HOMEZ: variants seen among roughly 807,000 people sequenced by gnomAD.
The protein encoded by HOMEZ is homeobox and leucine zipper encoding, also known as homeobox and leucine zipper protein Homez.
In HOMEZ, 20 loss-of-function variants were observed where a neutral mutation model predicts 50.1. That is an observed-to-expected ratio of 0.40 (90% CI 0.28 to 0.58). The LOEUF (loss-of-function observed/expected upper bound fraction) is 0.58, where lower values mean the gene tolerates loss of function less well. Ranked by LOEUF, HOMEZ falls within the 20% of genes least tolerant of loss-of-function variation. The probability of loss-of-function intolerance (pLI) is 0.46; values close to 1 mark genes in which losing one functional copy is unlikely to be tolerated. For synonymous variants in HOMEZ, 239 were observed against 254.7 expected (o/e 0.94, Z 0.59); for missense variants, 579 against 680.5 (o/e 0.85, Z 1.66).
chr14:23,275,461 A>G lies in HOMEZ; in HGVS notation c.*114T>C. 1.4e-6 allele frequency: 2 copies of G among 1,387,862 alleles called. No homozygotes were observed. The highest frequency in any genetic ancestry group is 1.9e-6 in the Non-Finnish European group (2 of 1,041,382). The allele number at this position is 1,387,862 out of a possible 1,614,324, so 86.0% of individuals were successfully genotyped here. On this transcript the variant is annotated 3_prime_UTR_variant, in exon 2 of 2. Coordinates refer to ENST00000357460, the MANE Select transcript of HOMEZ (RefSeq NM_020834.3). ...CCTGCCACCCACCCTGAAGAACACA[A>G]AGCTTTTTAGTTCTCTGCCACAAGG... is the stretch of plus-strand genomic sequence containing the variant.
At chr14:23,283,475 C>T (rs1362816458) in intron 1 of HOMEZ, among the ~76,000 whole-genome samples, 13 of 152,318 alleles carry the variant, frequency 8.5e-5, no homozygotes, top group African/African-American at 2.4e-4. Context: ...TATCCCTGGA[C>T]AGATGGAAGA....
At position 23,276,985 on chromosome 14, in the gene HOMEZ, G is replaced by A; in HGVS notation, c.243C>T (p.Ser81=). 1.9e-6 allele frequency: 3 copies of A among 1,614,052 alleles called. No individual in the cohort carries two copies. The highest frequency in any genetic ancestry group is 2.5e-6 in the Non-Finnish European group (3 of 1,179,902). The change falls in exon 2 of 2, where the codon AGC becomes AGT. Residue 81 remains serine (S), a synonymous_variant. Coordinates refer to ENST00000357460, the MANE Select transcript of HOMEZ (RefSeq NM_020834.3). The surrounding 1 kb of genome is among the most constrained non-coding windows in gnomAD (Gnocchi z 4.1). ...LKTFSYFPYP[S]LADIALLCLR... is the part of the protein sequence containing the mutation. ...GGCAGAGAAGGGCAATGTCTGCTAG[G>A]CTGGGATAGGGAAAGTAGCTGAAGG...
chr14:23,285,536 T>G, intron 1 of HOMEZ: 1 of 177,988 alleles, frequency 5.6e-6, no homozygotes, highest in East Asian at 1.4e-4. Context: ...GGGTTGGGGG[T>G]TTGTGTGGCG....
Position 23,274,792 on chromosome 14 carries a change from G to A in HOMEZ, c.*783C>T, listed in dbSNP as rs1886300861. The A allele has an allele frequency of 6.6e-6, 1 of 152,194 alleles. No homozygotes were observed. The highest frequency in any genetic ancestry group is 2.4e-5 in the African/African-American group (1 of 41,410). The allele number at this position is 152,194 out of a possible 1,614,324, so 9.4% of individuals were successfully genotyped here. A position where few individuals can be genotyped will look rare whatever the true frequency, so the allele number is the denominator to read the frequency against. On this transcript the variant is annotated 3_prime_UTR_variant, in exon 2 of 2. Coordinates refer to ENST00000357460, the MANE Select transcript of HOMEZ (RefSeq NM_020834.3). The stretch of plus-strand genomic sequence containing the variant: ...GTGGTGGCAGGTGCCTGTAGTCCCA[G>A]CTACTCGGGAGGCTGAGGCAGGAGA...
At chr14:23,282,236 T>C (rs1355222840) in intron 1 of HOMEZ, among the ~76,000 whole-genome samples, 1 of 152,158 alleles carries the variant, frequency 6.6e-6, no homozygotes, top group Non-Finnish European at 1.5e-5. Context: ...GCCCTAATTC[T>C]AGTTAGCGAT....
Position 23,274,885 on chromosome 14 carries a change from G to C in HOMEZ, c.*690C>G, listed in dbSNP as rs576132034. On this transcript the variant is annotated 3_prime_UTR_variant, in exon 2 of 2. Coordinates refer to ENST00000357460, the MANE Select transcript of HOMEZ (RefSeq NM_020834.3). ...TGCGCCATTGCACTACAGCCTGGGC[G>C]ACAGAGCAAGACTCCACCTCAAAAA... The C allele has an allele frequency of 1.3e-5, 2 of 149,144 alleles. No homozygotes were observed. The highest frequency in any genetic ancestry group is 5.0e-5 in the African/African-American group (2 of 40,326). 9.2% of individuals were successfully genotyped at this position (149,144 alleles called of 1,614,324 possible). A position where few individuals can be genotyped will look rare whatever the true frequency, so the allele number is the denominator to read the frequency against.
chr14:23,279,131 G>GCA (rs1031049264), intron 1 of HOMEZ, among the ~76,000 whole-genome samples: 9 of 152,250 alleles, frequency 5.9e-5, no homozygotes, highest in Middle Eastern at 6.8e-3. Context: ...TTACAAGCGT[G>GCA]CACCATGATG....
At chr14:23,284,291 G>C (rs931468604) in intron 1 of HOMEZ, among the ~76,000 whole-genome samples, 41 of 152,200 alleles carry the variant, frequency 2.7e-4, no homozygotes, top group African/African-American at 9.7e-4. Flanking sequence ...AGAGTTGATG[G>C]AATACTCAAG....
chr14:23,274,906 A>C lies in HOMEZ; in HGVS notation c.*669T>G, dbSNP rs1001161920. 7.0e-6 allele frequency: 1 copy of C among 142,490 alleles called. No homozygotes were observed. Among genetic ancestry groups the C allele is most frequent in the East Asian group, 2.0e-4 (1 of 4,986 alleles). 8.8% of individuals were successfully genotyped at this position (142,490 alleles called of 1,614,324 possible). On this transcript the variant is annotated 3_prime_UTR_variant, in exon 2 of 2. Transcript: ENST00000357460. ...GGGCGACAGAGCAAGACTCCACCTCAAAAAAAAAAAAAAGAACTGAAAAAT... is the reference window on the plus strand; with the variant it reads ...GGGCGACAGAGCAAGACTCCACCTCCAAAAAAAAAAAAAGAACTGAAAAAT...
intron 1 of HOMEZ, 118 bp from the exon 2 acceptor site, chr14:23,277,305 GTATTGCTTTT>G: frequency 2.0e-6 from 2 of 985,594 alleles, no homozygotes; most frequent in Non-Finnish European, 2.9e-6. Flanking sequence ...GTATCATGTT[GTATTGCTTTT>G]TAAGTGCCTC....
chr14:23,280,783 A>ATTTTCTTTTCTTTTCTTTTCTTTTC (rs370874346), intron 1 of HOMEZ, among the ~76,000 whole-genome samples: 1 of 104,246 alleles, frequency 9.6e-6, no homozygotes, highest in Non-Finnish European at 2.1e-5. Context: ...ATTTTATTTT[A>ATTTTCTTTTCTTTTCTTTTCTTTTC]TTTTATTTGG....
rs1334061556 is a variant in HOMEZ, at chr14:23,284,852, A to G, written c.40+1061T>C. 2.0e-5 allele frequency: 3 copies of G among 152,336 alleles called. 1 individual carries two copies. Among genetic ancestry groups the G allele is most frequent in the South Asian group, 4.1e-4 (2 of 4,824 alleles). 9.4% of individuals were successfully genotyped at this position (152,336 alleles called of 1,614,324 possible). A position where few individuals can be genotyped will look rare whatever the true frequency, so the allele number is the denominator to read the frequency against. ...AATAAAGCAAAACGGGAAACCAAAG[A>G]TGATGAAAGTGCCTGAGTGGCTCTC... On this transcript the variant is annotated intron_variant, in intron 1 of 1. Transcript: ENST00000357460.
At chr14:23,280,692 T>C (rs1299313395) in intron 1 of HOMEZ, among the ~76,000 whole-genome samples, 1 of 122,844 alleles carries the variant, frequency 8.1e-6, no homozygotes, top group Non-Finnish European at 1.8e-5. Flanking sequence ...ATATTTTATT[T>C]TTATTTTTAT....
chr14:23,273,323 CTTA>C lies in HOMEZ; in HGVS notation c.*2249_*2251del, dbSNP rs1011324223. ...AACGAGCAATATCTCTGTTCTTTTCCTTATTATACTTTTTTATTTGTCTATTAT... is the reference window on the plus strand; with the variant it reads ...AACGAGCAATATCTCTGTTCTTTTCCTTATACTTTTTTATTTGTCTATTAT... On this transcript the variant is annotated 3_prime_UTR_variant, in exon 2 of 2. Transcript: ENST00000357460. The C allele has an allele frequency of 3.9e-5, 6 of 153,310 alleles. No individual in the cohort carries two copies. The highest frequency in any genetic ancestry group is 1.4e-4 in the African/African-American group (6 of 41,556). 9.5% of individuals were successfully genotyped at this position (153,310 alleles called of 1,614,324 possible).
At position 23,275,280 on chromosome 14, in the gene HOMEZ, A is replaced by T. The variant is rs1253137620; in HGVS notation, c.*295T>A. 2.5e-6 allele frequency: 1 copy of T among 405,056 alleles called. No homozygotes were observed. The highest frequency in any genetic ancestry group is 4.7e-5 in the South Asian group (1 of 21,318). The allele number at this position is 405,056 out of a possible 1,614,324, so 25.1% of individuals were successfully genotyped here. ...GTACACCAAGGGAAAAAAACAGCAG[A>T]CACGAGGAGAGCAAGAGCAGCTTCC... On this transcript the variant is annotated 3_prime_UTR_variant, in exon 2 of 2. Transcript: ENST00000357460.
chr14:23,281,588 T>C (rs1333494085), intron 1 of HOMEZ, among the ~76,000 whole-genome samples: 1 of 152,014 alleles, frequency 6.6e-6, no homozygotes, highest in Non-Finnish European at 1.5e-5. Flanking sequence ...GTGAGACAAA[T>C]TAATGCAACT....
chr14:23,279,452 C>T (rs1201666357), intron 1 of HOMEZ, among the ~76,000 whole-genome samples: 1 of 151,904 alleles, frequency 6.6e-6, no homozygotes, highest in East Asian at 1.9e-4. Flanking sequence ...AGAGAGTGAC[C>T]GGGTGAGTGG....
Position 23,275,476 on chromosome 14 carries a change from C to T in HOMEZ, c.*99G>A. ...GAAGAACACAAAGCTTTTTAGTTCT[C>T]TGCCACAAGGTAATTTTAAAAATGT... On this transcript the variant is annotated 3_prime_UTR_variant, in exon 2 of 2. Transcript: ENST00000357460. 6.9e-7 allele frequency: 1 copy of T among 1,439,146 alleles called. No individual in the cohort carries two copies. Among genetic ancestry groups the T allele is most frequent in the Non-Finnish European group, 9.2e-7 (1 of 1,085,714 alleles). The allele number at this position is 1,439,146 out of a possible 1,614,324, so 89.1% of individuals were successfully genotyped here.
At position 23,276,161 on chromosome 14, in the gene HOMEZ, C is replaced by T. The variant is rs774002075; in HGVS notation, c.1067G>A (p.Arg356His). The T allele has an allele frequency of 4.3e-6, 7 of 1,613,828 alleles. No individual in the cohort carries two copies. The highest frequency in any genetic ancestry group is 1.1e-5 in the South Asian group (1 of 91,074). The change falls in exon 2 of 2, where the codon CGC becomes CAC. Residue 356 changes from arginine (R) to histidine (H), a missense_variant. By Grantham distance (29) the Arg-to-His change is conservative. Coordinates refer to ENST00000357460, the MANE Select transcript of HOMEZ (RefSeq NM_020834.3). The surrounding 1 kb of genome is among the most constrained non-coding windows in gnomAD (Gnocchi z 4.1). ...GGTTTTGCGCTTGGTCTTTCGCTGGCGTTGCATATCTGGGGAAAGGTACTC... is the reference window on the plus strand; with the variant it reads ...GGTTTTGCGCTTGGTCTTTCGCTGGTGTTGCATATCTGGGGAAAGGTACTC... ...PTEYLSPDMQ[R>H]QRKTKRKTKE...
Sources: gnomAD v4.1 joint callset for allele counts (sites outside exome capture counted in the v4.1 genomes callset) on GRCh38, gnomAD v4.1.1 for gene constraint, Gnocchi (gnomAD v3.1) non-coding constraint, MANE v1.5 for transcripts, NCBI Gene and HGNC (gene_info 2026-07-23, HGNC 2026-07-21) for gene names.